GPM6A: variants seen among roughly 807,000 people sequenced by gnomAD.
GPM6A encodes neuronal membrane glycoprotein M6-a.
A neutral mutation model predicts 32.1 loss-of-function variants in GPM6A; 7 were observed. The ratio of observed to expected loss-of-function variants is 0.22; its 90% CI spans 0.12 to 0.41. GPM6A has a LOEUF of 0.41. Among genes scored for constraint, GPM6A ranks in the 10% least tolerant of loss-of-function variants. The pLI, the probability that GPM6A is intolerant of heterozygous loss-of-function variation, is 1.00. For synonymous variants in GPM6A, 130 were observed against 123.4 expected (o/e 1.05, Z -0.35); for missense variants, 235 against 347.2 (o/e 0.68, Z 2.57).
At chr4:175,932,217 T>C (rs1488926661) in intron 1 of GPM6A, among the ~76,000 whole-genome samples, 2 of 152,114 alleles carry the variant, frequency 1.3e-5, no homozygotes, top group African/African-American at 4.8e-5. Context: ...GCCAGTACTA[T>C]AGTATTAGGA....
At chr4:175,994,929 T>A (rs781331912) in intron 1 of GPM6A, among the ~76,000 whole-genome samples, 8 of 152,242 alleles carry the variant, frequency 5.3e-5, no homozygotes, top group Non-Finnish European at 1.2e-4. Context: ...TATCACTGCA[T>A]CTTTACCAGA....
intron 1 of GPM6A, among the ~76,000 whole-genome samples, chr4:175,972,547 A>G (rs574245913): frequency 8.1e-4 from 124 of 152,360 alleles, no homozygotes; most frequent in Admixed American, 2.6e-3. Flanking sequence ...ACTATAAAAT[A>G]AGATGTTTAA....
chr4:175,961,912 A>T (rs955065456), intron 1 of GPM6A: 6 of 323,370 alleles, frequency 1.9e-5, no homozygotes, highest in Admixed American at 4.1e-5. Flanking sequence ...TCAGTAAAAA[A>T]CTGAGTCCTA....
intron 1 of GPM6A, among the ~76,000 whole-genome samples, chr4:175,991,843 T>C (rs576731084): frequency 1.3e-5 from 2 of 152,260 alleles, no homozygotes; most frequent in East Asian, 1.9e-4. Flanking sequence ...GATTTAACCA[T>C]GATGGTCATT....
chr4:175,839,739 T>C (rs565246696), intron 1 of GPM6A, among the ~76,000 whole-genome samples: 1 of 152,310 alleles, frequency 6.6e-6, no homozygotes, highest in Admixed American at 6.5e-5. Context: ...TACTTTATAA[T>C]TGAAGTTATT....
At chr4:175,845,320 C>T (rs574434377) in intron 1 of GPM6A, among the ~76,000 whole-genome samples, 5 of 152,144 alleles carry the variant, frequency 3.3e-5, no homozygotes, top group East Asian at 1.9e-4. Context: ...GTGTGACCCA[C>T]GTTATTAACT....
At chr4:175,797,238 T>G (rs1367304444) in intron 1 of GPM6A, among the ~76,000 whole-genome samples, 2 of 152,208 alleles carry the variant, frequency 1.3e-5, no homozygotes, top group Non-Finnish European at 2.9e-5. Flanking sequence ...TTCATTTTAT[T>G]TGTGGATGAA....
rs577026351 is a variant in GPM6A, at chr4:175,646,629, GA to G, written c.541+5204del. Among the ~76,000 whole-genome samples the G allele has an allele frequency of 1.6e-3, 250 of 152,280 alleles. 1 individual carries two copies. In the Middle Eastern group the frequency reaches 0.024, roughly 15 times the overall value. ...TTTTCCTTAAATATTTGTTGAAAATGAAACCAACCCAATTGTCCCATGGAAA... is the reference window on the plus strand; with the variant it reads ...TTTTCCTTAAATATTTGTTGAAAATGAACCAACCCAATTGTCCCATGGAAA... On this transcript the variant is annotated intron_variant, in intron 4 of 6. Coordinates refer to ENST00000393658, the MANE Select transcript of GPM6A (RefSeq NM_201591.3).
At chr4:175,943,402 C>A (rs1739481770) in intron 1 of GPM6A, among the ~76,000 whole-genome samples, 1 of 152,210 alleles carries the variant, frequency 6.6e-6, no homozygotes, top group African/African-American at 2.4e-5. Flanking sequence ...CTGGCCAGAA[C>A]TTCCAATACT....
rs1462871194 is a variant in GPM6A, at chr4:175,919,308, T to G, written c.-23+83001A>C. ...AATTCTGTGTATCATAAAAGGTGACTTGTGGGTCTCACTCCACCATAACCT... is the reference window on the plus strand; with the variant it reads ...AATTCTGTGTATCATAAAAGGTGACGTGTGGGTCTCACTCCACCATAACCT... On this transcript the variant is annotated intron_variant, in intron 1 of 7. Transcript: ENST00000280187. Among the ~76,000 whole-genome samples the G allele has an allele frequency of 2.0e-5, 3 of 152,300 alleles. No homozygotes were observed. In the East Asian group the frequency reaches 5.8e-4, roughly 29 times the overall value.
chr4:175,837,006 A>G (rs1371354598), intron 1 of GPM6A, among the ~76,000 whole-genome samples: 1 of 152,192 alleles, frequency 6.6e-6, no homozygotes, highest in African/African-American at 2.4e-5. Flanking sequence ...GAGGATCCTG[A>G]TATGGGAGGA....
chr4:175,709,248 T>G (rs1237376823), intron 1 of GPM6A, among the ~76,000 whole-genome samples: 1 of 151,780 alleles, frequency 6.6e-6, no homozygotes, highest in Non-Finnish European at 1.5e-5. Context: ...TCTCCTCCTC[T>G]CTCCTCCTTT....
intron 1 of GPM6A, among the ~76,000 whole-genome samples, chr4:175,729,721 C>T (rs2111136997): frequency 6.8e-6 from 1 of 147,760 alleles, no homozygotes; most frequent in Non-Finnish European, 1.5e-5. Flanking sequence ...TATACACTCA[C>T]TATGTATCCA....
At chr4:175,781,128 A>T (rs1295845181) in intron 1 of GPM6A, 1 of 114,326 alleles carries the variant, frequency 8.7e-6, no homozygotes, top group African/African-American at 2.8e-5. Flanking sequence ...CAGGCACAGT[A>T]ATAAAAAAAA....
intron 1 of GPM6A, among the ~76,000 whole-genome samples, chr4:175,885,508 G>A (rs772790462): frequency 5.3e-5 from 8 of 152,278 alleles, no homozygotes; most frequent in Admixed American, 2.0e-4. Context: ...GAGCACACCT[G>A]TAGTCTCAGT....
intron 1 of GPM6A, among the ~76,000 whole-genome samples, chr4:175,871,383 T>C (rs1217256102): frequency 6.6e-6 from 1 of 151,938 alleles, no homozygotes; most frequent in Admixed American, 6.6e-5. Flanking sequence ...GGCAGGAGAA[T>C]CACTTGAACC....
chr4:175,737,548 T>C (rs1241215667), intron 1 of GPM6A, among the ~76,000 whole-genome samples: 8 of 152,214 alleles, frequency 5.3e-5, no homozygotes, highest in African/African-American at 1.9e-4. Flanking sequence ...CTGAGCTCTT[T>C]TATGCCTTTG....
chr4:175,667,013 AC>A (rs1226517814), intron 3 of GPM6A, among the ~76,000 whole-genome samples: 3 of 152,234 alleles, frequency 2.0e-5, no homozygotes, highest in African/African-American at 7.2e-5. Flanking sequence ...AGAGGGCATC[AC>A]ATTCTACAAT....
At chr4:175,830,764 CT>C (rs1735585051) in intron 1 of GPM6A, among the ~76,000 whole-genome samples, 1 of 151,986 alleles carries the variant, frequency 6.6e-6, no homozygotes, top group East Asian at 1.9e-4. Context: ...ACTGATTTCA[CT>C]CAATGTGTTT....
Sources: gnomAD v4.1 joint callset for allele counts (sites outside exome capture counted in the v4.1 genomes callset) on GRCh38, gnomAD v4.1.1 for gene constraint, MANE v1.5 for transcripts, NCBI Gene and HGNC (gene_info 2026-07-23, HGNC 2026-07-21) for gene names.